Variants in NAALADL2 observed in about 807,000 individuals in gnomAD.
NAALADL2 encodes the protein N-acetylated alpha-linked acidic dipeptidase like 2, also known as inactive N-acetylated-alpha-linked acidic dipeptidase-like protein 2.
A neutral mutation model predicts 87.2 loss-of-function variants in NAALADL2; 76 were observed. The ratio of observed to expected loss-of-function variants is 0.87; its 90% CI spans 0.72 to 1.05. The LOEUF is 1.05. Ranked by LOEUF, NAALADL2 falls within the 50% of genes least tolerant of loss-of-function variation. NAALADL2 has a pLI of 0.00. For synonymous variants in NAALADL2, 354 were observed against 331.0 expected (o/e 1.07, Z -0.75); for missense variants, 1,089 against 945.8 (o/e 1.15, Z -1.99).
At chr3:175,667,241 A>AAGAAAGAAAGAGAAAGAAAGAAAG (rs1182682303) in intron 11 of NAALADL2, among the ~76,000 whole-genome samples, 1 of 91,716 alleles carries the variant, frequency 1.1e-5, no homozygotes, top group Admixed American at 1.0e-4. Flanking sequence ...GAAAGAAAGA[A>AAGAAAGAAAGAGAAAGAAAGAAAG]AAAGAAAGAA....
intron 13 of NAALADL2, among the ~76,000 whole-genome samples, chr3:175,767,003 T>G (rs1304299088): frequency 6.6e-6 from 1 of 152,104 alleles, no homozygotes; most frequent in Non-Finnish European, 1.5e-5. Context: ...AAGCACACAT[T>G]TAGTCCTGTA....
At chr3:175,117,848 A>C (rs1451439859) in intron 2 of NAALADL2, among the ~76,000 whole-genome samples, 1 of 152,140 alleles carries the variant, frequency 6.6e-6, no homozygotes, top group East Asian at 1.9e-4. Flanking sequence ...CACAATAGCA[A>C]AGACTTGGAA....
At chr3:174,850,851 ATATATAAGT>A (rs1246829737) in intron 3 of NAALADL2, among the ~76,000 whole-genome samples, 1 of 152,134 alleles carries the variant, frequency 6.6e-6, no homozygotes, top group Non-Finnish European at 1.5e-5. Context: ...ATGATAGACC[ATATATAAGT>A]CCACTAAAGA....
intron 2 of NAALADL2, among the ~76,000 whole-genome samples, chr3:175,134,520 G>A (rs1223172233): frequency 6.6e-6 from 1 of 152,102 alleles, no homozygotes; most frequent in Non-Finnish European, 1.5e-5. Flanking sequence ...TATTTTGTGT[G>A]CATAATCTCT....
chr3:175,344,236 A>G (rs1762897587), intron 5 of NAALADL2, among the ~76,000 whole-genome samples: 1 of 152,104 alleles, frequency 6.6e-6, no homozygotes, highest in African/African-American at 2.4e-5. Flanking sequence ...ATTTCTTTCA[A>G]CAGTACTTCT....
chr3:175,457,685 ATTTTT>A (rs763515080), intron 6 of NAALADL2, among the ~76,000 whole-genome samples: 4 of 131,470 alleles, frequency 3.0e-5, no homozygotes, highest in Non-Finnish European at 6.3e-5. Flanking sequence ...TGTCTGGCTA[ATTTTT>A]TTTTTTTTTT....
intron 2 of NAALADL2, among the ~76,000 whole-genome samples, chr3:174,607,998 G>C (rs1171923168): frequency 6.6e-6 from 1 of 152,078 alleles, no homozygotes; most frequent in Admixed American, 6.6e-5. Context: ...AACTAGAACT[G>C]AGGATTAAGA....
intron 11 of NAALADL2, among the ~76,000 whole-genome samples, chr3:175,680,102 G>A (rs1429885128): frequency 2.0e-5 from 3 of 152,178 alleles, no homozygotes; most frequent in Non-Finnish European, 4.4e-5. Flanking sequence ...GAGGTTGACA[G>A]CGATTCCTTA....
chr3:174,720,657 A>C (rs1731629361), intron 2 of NAALADL2, among the ~76,000 whole-genome samples: 1 of 152,194 alleles, frequency 6.6e-6, no homozygotes, highest in South Asian at 2.1e-4. Flanking sequence ...AATGAAAAAA[A>C]AATTATCGTT....
At chr3:175,626,895 A>G (rs1727062935) in intron 10 of NAALADL2, among the ~76,000 whole-genome samples, 2 of 151,802 alleles carry the variant, frequency 1.3e-5, no homozygotes, top group South Asian at 4.1e-4. Context: ...TTATTGTTAT[A>G]TCTCCAGTTC....
At chr3:174,591,643 T>A (rs1717370713) in intron 2 of NAALADL2, among the ~76,000 whole-genome samples, 1 of 152,134 alleles carries the variant, frequency 6.6e-6, no homozygotes, top group Admixed American at 6.5e-5. Flanking sequence ...ATTGCAGAAA[T>A]TTTTGATACT....
At position 175,011,272 on chromosome 3, in the gene NAALADL2, CAGAGAGACAGAGAGAG is replaced by C. The variant is rs1188344300; in HGVS notation, c.44-85510_44-85495del. Among the ~76,000 whole-genome samples, 849 of 110,360 alleles carry C rather than the reference CAGAGAGACAGAGAGAG, an allele frequency of 7.7e-3. 5 individuals carry two copies. Among genetic ancestry groups the C allele is most frequent in the African/African-American group, 0.022 (705 of 32,052 alleles). 72.4% of individuals were successfully genotyped at this position (110,360 alleles called of 152,430 possible). On this transcript the variant is annotated intron_variant, in intron 1 of 13. Coordinates refer to ENST00000454872, the MANE Select transcript of NAALADL2 (RefSeq NM_207015.3). ...AGAGACAGAGAGAGAGGGAGAGAGA[CAGAGAGACAGAGAGAG>C]AGAGAGAGAGAGAGAGAGAGAGAGA...
rs371280112 is a variant in NAALADL2 at position 175,423,984 on chromosome 3, T to A, written c.1091-23245T>A. On this transcript the variant is annotated intron_variant, in intron 5 of 13. Transcript: ENST00000454872. ...TAACTGGTGTGAGATGGCATCTCAT[T>A]GTGGTTTTGATTTGCATTTCTCTGA... Among the ~76,000 whole-genome samples, 109 of 152,312 alleles carry A rather than the reference T, an allele frequency of 7.2e-4. 2 individuals are homozygous for A. In the South Asian group the frequency reaches 0.022, roughly 30 times the overall value.
chr3:175,504,565 TTCTCTC>T (rs200985901), intron 9 of NAALADL2, among the ~76,000 whole-genome samples: 4,031 of 134,236 alleles, frequency 0.03, 82 homozygotes, highest in Non-Finnish European at 0.037. Flanking sequence ...CTCTCTCTGT[TTCTCTC>T]TCTCTCTCTC....
chr3:175,408,950 T>C (rs1025802041), intron 5 of NAALADL2, among the ~76,000 whole-genome samples: 2 of 151,980 alleles, frequency 1.3e-5, no homozygotes, highest in East Asian at 3.8e-4. Context: ...CTAAGCCTCA[T>C]TCATTTTCTT....
At chr3:175,687,722 G>GT (rs1736491878) in intron 11 of NAALADL2, among the ~76,000 whole-genome samples, 1 of 152,132 alleles carries the variant, frequency 6.6e-6, no homozygotes, top group Admixed American at 6.6e-5. Context: ...GAGGTGTTTA[G>GT]ATTGTGGGAG....
chr3:174,662,413 C>T (rs9873699), intron 2 of NAALADL2, among the ~76,000 whole-genome samples: 11,251 of 152,176 alleles, frequency 0.074, 1,401 homozygotes, highest in African/African-American at 0.26. Flanking sequence ...TAATCAAAAA[C>T]TGCTTTCCTA....
intron 1 of NAALADL2, among the ~76,000 whole-genome samples, chr3:174,923,166 G>T (rs1314160440): frequency 2.0e-5 from 3 of 152,124 alleles, no homozygotes; most frequent in Non-Finnish European, 4.4e-5. Flanking sequence ...ATCAGAAAAA[G>T]ATGGGGGCTT....
chr3:175,621,828 A>G (rs1167288080), intron 10 of NAALADL2, among the ~76,000 whole-genome samples: 2 of 152,282 alleles, frequency 1.3e-5, no homozygotes, highest in Admixed American at 6.5e-5. Context: ...TTTGGTGCCC[A>G]CAGGAGTTCT....
Sources: allele counts gnomAD v4.1 joint callset (sites outside exome capture counted in the v4.1 genomes callset), GRCh38; gene constraint gnomAD v4.1.1; transcripts MANE v1.5; gene names NCBI Gene and HGNC (gene_info 2026-07-23, HGNC 2026-07-21).